COL4A5: variants seen among roughly 807,000 people sequenced by gnomAD.
The protein encoded by COL4A5 is collagen type IV alpha 5 chain, also known as collagen alpha-5(IV) chain.
A neutral mutation model predicts 130.2 loss-of-function variants in COL4A5; 26 were observed. The observed-to-expected ratio is 0.20, with a 90% CI of 0.15 to 0.28. COL4A5 has a LOEUF of 0.28. COL4A5 is among the 10% of genes least tolerant of loss of function. COL4A5 has a pLI of 1.00. For synonymous variants in COL4A5, 496 were observed against 439.6 expected, an observed-to-expected ratio of 1.13 and a Z score of -1.60; for missense variants, 1,131 against 1,344.3, an observed-to-expected ratio of 0.84 and a Z score of 2.48.
intron 36 of COL4A5, among the ~76,000 whole-genome samples, chrX:108,651,189 G>T (rs1340657990): frequency 9.0e-6 from 1 of 111,149 alleles, no homozygotes; most frequent in Admixed American, 9.6e-5. Context: ...GTGAGAATGA[G>T]AAATGACTGC....
chrX:108,632,950 G>T (rs151069630), intron 36 of COL4A5, among the ~76,000 whole-genome samples: 2 of 111,515 alleles, frequency 1.8e-5, no homozygotes, highest in Non-Finnish European at 3.8e-5. Flanking sequence ...CACTACTCCT[G>T]TTCAACATAG....
chrX:108,529,723 A>G (rs2065360332), intron 1 of COL4A5, among the ~76,000 whole-genome samples: 1 of 111,306 alleles, frequency 9.0e-6, no homozygotes. Context: ...GATATTCCAT[A>G]CAAATGGGAA....
At chrX:108,485,680 A>C (rs2064937348) in intron 1 of COL4A5, among the ~76,000 whole-genome samples, 1 of 109,948 alleles carries the variant, frequency 9.1e-6, no homozygotes, top group South Asian at 4.0e-4. Flanking sequence ...CTAGTACCCC[A>C]GACACAGGCA....
chrX:108,514,116 G>A (rs2065202214), intron 1 of COL4A5, among the ~76,000 whole-genome samples: 1 of 111,793 alleles, frequency 8.9e-6, no homozygotes. Flanking sequence ...ATACCACACC[G>A]TCTTAATTAC....
intron 13 of COL4A5, among the ~76,000 whole-genome samples, chrX:108,578,744 A>C (rs1334495465): frequency 9.5e-6 from 1 of 104,781 alleles, no homozygotes. Flanking sequence ...CAATGGCATG[A>C]TCTTGGCTCA....
intron 1 of COL4A5, among the ~76,000 whole-genome samples, chrX:108,505,362 T>C (rs2065114719): frequency 9.0e-6 from 1 of 110,522 alleles, no homozygotes; most frequent in Admixed American, 9.6e-5. Flanking sequence ...CAAAAACCAC[T>C]TGTACCCCTA....
chrX:108,492,888 T>C (rs1320178134), intron 1 of COL4A5, among the ~76,000 whole-genome samples: 3 of 111,248 alleles, frequency 2.7e-5, no homozygotes, highest in Non-Finnish European at 5.7e-5. Flanking sequence ...TCTCTGACTT[T>C]AGATAAAATG....
chrX:108,635,220 G>A (rs747336772), intron 36 of COL4A5, among the ~76,000 whole-genome samples: 7 of 110,105 alleles, frequency 6.4e-5, no homozygotes, highest in Admixed American at 9.7e-5. Context: ...CATAAAAAGT[G>A]GGAGAAAAAA....
intron 1 of COL4A5, among the ~76,000 whole-genome samples, chrX:108,484,298 A>T (rs1268533160): frequency 1.8e-5 from 2 of 110,740 alleles, no homozygotes; most frequent in Non-Finnish European, 3.8e-5. Flanking sequence ...ACATATCTCC[A>T]TTTTTCTGGG....
chrX:108,592,288 A>G (rs1426738845), intron 21 of COL4A5, among the ~76,000 whole-genome samples: 2 of 111,316 alleles, frequency 1.8e-5, no homozygotes, highest in Non-Finnish European at 3.8e-5. Flanking sequence ...TTCTATTTAT[A>G]CAATAGATTC....
intron 4 of COL4A5, 67 bp from the exon 5 acceptor site, chrX:108,568,562 T>TACC: frequency 6.6e-6 from 5 of 754,130 alleles, no homozygotes; most frequent in Non-Finnish European, 1.0e-5. Flanking sequence ...CATAATATCC[T>TACC]TAGGTAGGAT....
At chrX:108,486,017 C>A (rs754835255) in intron 1 of COL4A5, among the ~76,000 whole-genome samples, 1 of 112,034 alleles carries the variant, frequency 8.9e-6, no homozygotes, top group Admixed American at 9.4e-5. Context: ...CTGACTAGGG[C>A]TGGTTTGAAT....
chrX:108,574,156 G>T (rs767057552), intron 9 of COL4A5, among the ~76,000 whole-genome samples: 1 of 111,292 alleles, frequency 9.0e-6, no homozygotes, highest in South Asian at 3.8e-4. Flanking sequence ...AGTAACTTTT[G>T]AGTATAGATT....
At chrX:108,646,266 G>A (rs1454254483) in intron 36 of COL4A5, among the ~76,000 whole-genome samples, 7 of 111,404 alleles carry the variant, frequency 6.3e-5, no homozygotes, top group East Asian at 2.8e-4. Context: ...TTTAATGATC[G>A]CCATTCTAAC....
intron 36 of COL4A5, among the ~76,000 whole-genome samples, chrX:108,648,765 C>A (rs1328064986): frequency 4.5e-5 from 5 of 111,828 alleles, no homozygotes; most frequent in Non-Finnish European, 9.4e-5. Context: ...CTATCTATGA[C>A]AAACCCACAG....
intron 37 of COL4A5, among the ~76,000 whole-genome samples, chrX:108,659,291 T>C: frequency 9.0e-6 from 1 of 111,257 alleles, no homozygotes. Context: ...TTAATACTTA[T>C]TGAGACTTAT....
intron 42 of COL4A5, 92 bp from the exon 43 acceptor site, chrX:108,674,653 C>T (rs1159544409): frequency 1.1e-6 from 1 of 882,466 alleles, no homozygotes; most frequent in African/African-American, 2.0e-5. Flanking sequence ...ATAATGTGAA[C>T]CACTTCTAAC....
chrX:108,524,402 CTCTTT>C (rs1180252736), intron 1 of COL4A5, among the ~76,000 whole-genome samples: 3 of 110,116 alleles, frequency 2.7e-5, no homozygotes, highest in African/African-American at 9.9e-5. Flanking sequence ...TTTGAGTCTT[CTCTTT>C]TCTTGGTGGT....
rs957819799 is a variant in COL4A5 at position 108,625,569 on chromosome X, C to G, written c.3017-136C>G. On this transcript the variant is annotated intron_variant, in intron 34 of 52. Coordinates refer to ENST00000328300, the MANE Select transcript of COL4A5 (RefSeq NM_033380.3). ...GGAGATGTTTTATGTTGGGTTCTAT[C>G]TGTGGACCTTAATCATATATTCAGA... is the stretch of plus-strand genomic sequence containing the variant. 3.3e-5 allele frequency: 16 copies of G among 483,741 alleles called. No individual in the cohort carries two copies. The African/African-American group carries it at 3.3e-4, about 10-fold the overall frequency. The allele number at this position is 483,741 out of a possible 1,213,427, so 39.9% of individuals were successfully genotyped here.
Sources: allele counts gnomAD v4.1 joint callset (sites outside exome capture counted in the v4.1 genomes callset), GRCh38; gene constraint gnomAD v4.1.1; transcripts MANE v1.5; gene names NCBI Gene and HGNC (gene_info 2026-07-23, HGNC 2026-07-21).